The following ITPK1 variants were observed in gnomAD, a reference collection of about 807,000 sequenced individuals.
The protein encoded by ITPK1 is inositol 1,3,4-trisphosphate 5/6-kinase.
A neutral mutation model predicts 45.3 loss-of-function variants in ITPK1; 21 were observed. The ratio of observed to expected loss-of-function variants is 0.46; its 90% CI spans 0.33 to 0.67. ITPK1 has a LOEUF of 0.67. Ranked by LOEUF, ITPK1 falls within the 30% of genes least tolerant of loss-of-function variation. The pLI is 0.02. For missense variants in ITPK1, 474 were observed against 573.5 expected, an observed-to-expected ratio of 0.83 and a Z score of 1.77; for synonymous variants, 258 against 253.6, an observed-to-expected ratio of 1.02 and a Z score of -0.16.
intron 4 of ITPK1, among the ~76,000 whole-genome samples, chr14:93,010,462 C>A (rs1887834480): frequency 6.6e-6 from 1 of 152,244 alleles, no homozygotes; most frequent in Non-Finnish European, 1.5e-5. Context: ...TGCCATCCTG[C>A]ACCTTCCCTA....
intron 3 of ITPK1, among the ~76,000 whole-genome samples, chr14:93,075,449 G>C (rs1263480679): frequency 6.6e-6 from 1 of 151,154 alleles, no homozygotes; most frequent in Non-Finnish European, 1.5e-5. Flanking sequence ...CTGCTGAGAG[G>C]CTTCCAGAAA....
chr14:93,022,868 GA>G (rs970258133), intron 3 of ITPK1, among the ~76,000 whole-genome samples: 1 of 151,948 alleles, frequency 6.6e-6, no homozygotes, highest in Non-Finnish European at 1.5e-5. Context: ...CAAAAACAAA[GA>G]AAAAAACAGT....
Position 92,958,125 on chromosome 14 carries a change from G to A in ITPK1, c.670+76C>T. ...ACAGGGTGGTTGGGGCAGTGCCGAA[G>A]GACAGACAGCTGCTGCCACATCCCA... On this transcript the variant is annotated intron_variant, in intron 8 of 10. Coordinates refer to ENST00000267615, the MANE Select transcript of ITPK1 (RefSeq NM_014216.6). The surrounding 1 kb of genome is among the most constrained non-coding windows in gnomAD (Gnocchi z 4.4). 2.1e-6 allele frequency: 3 copies of A among 1,460,274 alleles called. No homozygotes were observed. The highest frequency in any genetic ancestry group is 2.9e-6 in the Non-Finnish European group (3 of 1,042,988). The allele number at this position is 1,460,274 out of a possible 1,614,324, so 90.5% of individuals were successfully genotyped here. A position where few individuals can be genotyped will look rare whatever the true frequency, so the allele number is the denominator to read the frequency against.
rs78610803 is a variant in ITPK1, at chr14:93,051,834, C to T, written c.120+24761G>A. ...TTGGGCGGAAGCCCTTCCATTGTAA[C>T]GCTAACTCACTCCCTAATCCCTGCC... On this transcript the variant is annotated intron_variant, in intron 3 of 10. Transcript: ENST00000267615. 3.7e-3 allele frequency among the ~76,000 whole-genome samples: 570 copies of T among 152,326 alleles called. 6 individuals carry two copies. The highest frequency in any genetic ancestry group is 0.013 in the African/African-American group (535 of 41,548).
At chr14:93,033,702 G>C (rs1889175343) in intron 3 of ITPK1, among the ~76,000 whole-genome samples, 1 of 152,206 alleles carries the variant, frequency 6.6e-6, no homozygotes, top group Non-Finnish European at 1.5e-5. Context: ...AGAGGCGCTA[G>C]AGAGAGACAG....
chr14:93,042,171 A>T (rs558618027), intron 3 of ITPK1, among the ~76,000 whole-genome samples: 1 of 152,328 alleles, frequency 6.6e-6, no homozygotes, highest in African/African-American at 2.4e-5. Flanking sequence ...AAATGACTCA[A>T]GTGCCCTGAA....
intron 2 of ITPK1, among the ~76,000 whole-genome samples, chr14:93,103,099 CAAAAA>C (rs71123389): frequency 2.9e-5 from 2 of 68,884 alleles, no homozygotes; most frequent in Admixed American, 1.7e-4. Flanking sequence ...GACTCCATCT[CAAAAA>C]AAAAAAAAAA....
intron 2 of ITPK1, among the ~76,000 whole-genome samples, chr14:93,108,674 C>A (rs1892619600): frequency 6.6e-6 from 1 of 152,260 alleles, no homozygotes; most frequent in African/African-American, 2.4e-5. Context: ...CATTCACTGT[C>A]ATTGGGACTG....
rs372309105 is a variant in ITPK1 at position 93,070,204 on chromosome 14, A to C, written c.120+6391T>G. On this transcript the variant is annotated intron_variant, in intron 3 of 10. Coordinates refer to ENST00000267615, the MANE Select transcript of ITPK1 (RefSeq NM_014216.6). The stretch of plus-strand genomic sequence containing the variant: ...CAGGGCAGAGGTCAGGCTGCAAAAC[A>C]TGCTTCCCTAAGGACGTCCAGGCTG... 1.2e-4 allele frequency: 19 copies of C among 152,426 alleles called. No homozygotes were observed. In the East Asian group the frequency reaches 3.3e-3, roughly 26 times the overall value. The allele number at this position is 152,426 out of a possible 1,614,324, so 9.4% of individuals were successfully genotyped here.
In ITPK1 at chr14:93,034,052, G is replaced by T. The variant is rs939427471; in HGVS notation, c.121-17251C>A. On this transcript the variant is annotated intron_variant, in intron 3 of 10. Coordinates refer to ENST00000267615, the MANE Select transcript of ITPK1 (RefSeq NM_014216.6). The surrounding 1 kb of genome is among the most constrained non-coding windows in gnomAD (Gnocchi z 4.1). ...CTCAGGAATGGGGGAGAAAGAGTGGGCTCTGATGCTGGGAGCCCCCAGCTC... is the reference window on the plus strand; with the variant it reads ...CTCAGGAATGGGGGAGAAAGAGTGGTCTCTGATGCTGGGAGCCCCCAGCTC... Among the ~76,000 whole-genome samples the T allele has an allele frequency of 6.6e-6, 1 of 152,050 alleles. No homozygotes were observed. Among genetic ancestry groups the T allele is most frequent in the African/African-American group, 2.4e-5 (1 of 41,396 alleles).
rs568339688 is a variant in ITPK1 at position 92,942,726 on chromosome 14, G to A, written c.902-822C>T. ...GGCAAGTGCTTCCTAACACAGTTGC[G>A]AACATCAGCAGAGCCCTCGGGAGCC... On this transcript the variant is annotated intron_variant, in intron 10 of 10. Coordinates refer to ENST00000267615, the MANE Select transcript of ITPK1 (RefSeq NM_014216.6). Among the ~76,000 whole-genome samples, 15 of 152,300 alleles carry A rather than the reference G, an allele frequency of 9.8e-5. No homozygotes were observed. The East Asian group carries it at 1.2e-3, about 12-fold the overall frequency.
intron 5 of ITPK1, among the ~76,000 whole-genome samples, chr14:92,966,804 C>A (rs976908963): frequency 6.6e-6 from 1 of 152,238 alleles, no homozygotes; most frequent in Non-Finnish European, 1.5e-5. Flanking sequence ...CTATGCTCAA[C>A]TGATTTTCTA....
At chr14:92,949,107 C>G (rs917863024) in intron 9 of ITPK1, among the ~76,000 whole-genome samples, 3 of 139,698 alleles carry the variant, frequency 2.1e-5, no homozygotes, top group Admixed American at 1.4e-4. Flanking sequence ...TTTTTTTTTT[C>G]TTTTGAGACA....
intron 2 of ITPK1, among the ~76,000 whole-genome samples, chr14:93,101,516 C>G (rs1892319225): frequency 6.6e-6 from 1 of 152,230 alleles, no homozygotes; most frequent in Admixed American, 6.5e-5. Context: ...AAATTAAGGC[C>G]CAGAGAGGAG....
chr14:93,011,318 A>C (rs1221889420), intron 4 of ITPK1, among the ~76,000 whole-genome samples: 1 of 152,212 alleles, frequency 6.6e-6, no homozygotes, highest in Non-Finnish European at 1.5e-5. Flanking sequence ...CCCTGTGGCG[A>C]AGCCTGGCCT....
Position 93,077,380 on chromosome 14 carries a change from C to T in ITPK1, c.96-761G>A, listed in dbSNP as rs1295971213. On this transcript the variant is annotated intron_variant, in intron 2 of 10. Coordinates refer to ENST00000267615, the MANE Select transcript of ITPK1 (RefSeq NM_014216.6). ...TTGCCTAGGCTGGAGTGGAATGTTA[C>T]GATCTCAGCTCACTACAACCTCCGC... is the stretch of plus-strand genomic sequence containing the variant. 3.9e-5 allele frequency among the ~76,000 whole-genome samples: 6 copies of T among 152,198 alleles called. No individual in the cohort carries two copies. In the East Asian group the frequency reaches 7.7e-4, roughly 20 times the overall value.
At chr14:93,075,428 A>G (rs1891183057) in intron 3 of ITPK1, among the ~76,000 whole-genome samples, 1 of 151,890 alleles carries the variant, frequency 6.6e-6, no homozygotes, top group South Asian at 2.1e-4. Context: ...AGCCTGGACA[A>G]AAACCTAGAG....
chr14:92,939,812 T>C lies in ITPK1; in HGVS notation c.*1749A>G, dbSNP rs61993813. ...GTTTTATTAAACGTCTTTTAAGGAC[T>C]GGGAGTATGACATAACAAACTTGAG... On this transcript the variant is annotated 3_prime_UTR_variant, in exon 11 of 11. Transcript: ENST00000267615. 3.2e-5 allele frequency: 32 copies of C among 985,658 alleles called. No homozygotes were observed. Among genetic ancestry groups the C allele is most frequent in the Non-Finnish European group, 3.6e-5 (30 of 829,930 alleles). The allele number at this position is 985,658 out of a possible 1,614,324, so 61.1% of individuals were successfully genotyped here. A position where few individuals can be genotyped will look rare whatever the true frequency, so the allele number is the denominator to read the frequency against.
intron 9 of ITPK1, among the ~76,000 whole-genome samples, chr14:92,948,849 G>A (rs996048558): frequency 1.3e-5 from 2 of 151,190 alleles, no homozygotes; most frequent in South Asian, 2.1e-4. Flanking sequence ...CTCCAAGTCC[G>A]GGCGCCGCCC....
Sources: gnomAD v4.1 joint callset for allele counts (sites outside exome capture counted in the v4.1 genomes callset) on GRCh38, gnomAD v4.1.1 for gene constraint, Gnocchi (gnomAD v3.1) non-coding constraint, MANE v1.5 for transcripts, NCBI Gene and HGNC (gene_info 2026-07-23, HGNC 2026-07-21) for gene names.